Variants in TRAK1 observed in about 807,000 individuals in gnomAD.
TRAK1 encodes the protein trafficking kinesin protein 1, also known as trafficking kinesin-binding protein 1.
Under a neutral mutation model 92.1 loss-of-function variants are expected in TRAK1, and 33 were observed. That is an observed-to-expected ratio of 0.36 (90% CI 0.27 to 0.48). The LOEUF (loss-of-function observed/expected upper bound fraction) is 0.48. Ranked by LOEUF, TRAK1 falls within the 20% of genes least tolerant of loss-of-function variation. The probability of loss-of-function intolerance (pLI) is 0.99; values close to 1 mark genes in which losing one functional copy is unlikely to be tolerated. For synonymous variants in TRAK1, 521 were observed against 517.3 expected, an observed-to-expected ratio of 1.01 and a Z score of -0.10; for missense variants, 1,123 against 1,257.9, an observed-to-expected ratio of 0.89 and a Z score of 1.62.
intron 3 of TRAK1, among the ~76,000 whole-genome samples, chr3:42,178,633 C>T (rs13069609): frequency 0.76 from 116,121 of 151,798 alleles, 44,717 homozygotes; most frequent in East Asian, 0.99. Context: ...TTTGTGGAGG[C>T]GGGATCTCCT....
chr3:42,084,421 C>A (rs1704577425), upstream of TRAK1, among the ~76,000 whole-genome samples: 1 of 152,124 alleles, frequency 6.6e-6, no homozygotes, highest in Non-Finnish European at 1.5e-5. Context: ...TAGTAAGACT[C>A]CATATTTTTA....
chr3:42,137,469 A>T (rs911250901), intron 2 of TRAK1, among the ~76,000 whole-genome samples: 1 of 152,224 alleles, frequency 6.6e-6, no homozygotes, highest in African/African-American at 2.4e-5. Flanking sequence ...TTCATTAGTG[A>T]ATGTTTGGAA....
At chr3:42,045,534 C>T (rs1471650487) in intron 1 of TRAK1, among the ~76,000 whole-genome samples, 1 of 151,980 alleles carries the variant, frequency 6.6e-6, no homozygotes, top group East Asian at 1.9e-4. Context: ...GACTCAGCCT[C>T]AAAAAACCCC....
At chr3:42,062,315 T>A (rs1313177199) in intron 1 of TRAK1, among the ~76,000 whole-genome samples, 1 of 152,220 alleles carries the variant, frequency 6.6e-6, no homozygotes. Context: ...TGCTTTTGAT[T>A]CCTTTGGCTA....
At chr3:42,119,733 G>A (rs746280916) in intron 1 of TRAK1, among the ~76,000 whole-genome samples, 11 of 152,158 alleles carry the variant, frequency 7.2e-5, no homozygotes, top group Non-Finnish European at 1.5e-4. Flanking sequence ...CCAGGCATGT[G>A]GATACACCTT....
chr3:42,078,770 AAAG>A (rs1165916690), intron 1 of TRAK1, among the ~76,000 whole-genome samples: 219 of 130,932 alleles, frequency 1.7e-3, no homozygotes, highest in African/African-American at 3.1e-3. Context: ...AAAAAAAAAA[AAAG>A]AAAGAAAGAA....
At chr3:42,176,628 C>T (rs1290162245) in intron 2 of TRAK1, among the ~76,000 whole-genome samples, 186 bp from the exon 3 acceptor site, 1 of 152,228 alleles carries the variant, frequency 6.6e-6, no homozygotes, top group East Asian at 1.9e-4. Context: ...CAGACTCATC[C>T]TCCAGTCGTT....
intron 1 of TRAK1, among the ~76,000 whole-genome samples, chr3:42,044,629 C>CAGCT (rs1665489619): frequency 6.6e-6 from 1 of 152,188 alleles, no homozygotes; most frequent in Non-Finnish European, 1.5e-5. Flanking sequence ...TGCCACTTGC[C>CAGCT]AGCTGTGTGT....
rs201574981 is a variant in TRAK1 at position 42,201,043 on chromosome 3, A to C, written c.1416A>C (p.Ala472=). 1.9e-6 allele frequency: 3 copies of C among 1,614,212 alleles called. No homozygotes were observed. The South Asian group carries it at 3.3e-5, about 18-fold the overall frequency. The change falls in exon 12 of 16, where the codon GCA becomes GCC. Residue 472 remains alanine (A), a synonymous_variant. Transcript: ENST00000327628. ...KTNSIILETE[A]ADLGNDERSK... is the part of the protein sequence containing the mutation. ...ACAGCATCATTCTGGAAACAGAGGC[A>C]GCCGACCTGGGGTGAGCAAGCTGGG...
rs77999843 is a variant in TRAK1 at position 42,039,962 on chromosome 3, C to T, written c.-519+25845C>T. ...CTCATTGTGGTTTTGCATTTCAGGA[C>T]GGCTGATGATGTTGAGCATCTTTTC... is the stretch of plus-strand genomic sequence containing the variant. On this transcript the variant is annotated intron_variant, in intron 1 of 16. Coordinates refer to the TRAK1 transcript ENST00000487159. Among the ~76,000 whole-genome samples, 46 of 152,130 alleles carry T rather than the reference C, an allele frequency of 3.0e-4. 1 individual carries two copies. In the East Asian group the frequency reaches 6.0e-3, roughly 20 times the overall value.
chr3:42,149,021 G>A (rs1191469636), intron 2 of TRAK1, among the ~76,000 whole-genome samples: 1 of 152,012 alleles, frequency 6.6e-6, no homozygotes, highest in African/African-American at 2.4e-5. Context: ...TCTTTTCCCT[G>A]CCTGGCATCT....
intron 1 of TRAK1, among the ~76,000 whole-genome samples, chr3:42,114,600 A>G (rs914858138): frequency 1.3e-5 from 2 of 152,244 alleles, no homozygotes; most frequent in Admixed American, 6.5e-5. Flanking sequence ...CCATCTGTCT[A>G]AACACTAGTT....
intron 1 of TRAK1, among the ~76,000 whole-genome samples, chr3:42,079,474 C>CTTTTTTTTTTTTTTTTTTTTT (rs374173062): frequency 1.5e-5 from 2 of 133,942 alleles, no homozygotes; most frequent in Non-Finnish European, 1.6e-5. Flanking sequence ...GAAGCTCCTT[C>CTTTTTTTTTTTTTTTTTTTTT]TTCTTTTTTT....
chr3:42,207,516 A>G (rs1708467965), intron 13 of TRAK1, among the ~76,000 whole-genome samples: 1 of 152,138 alleles, frequency 6.6e-6, no homozygotes, highest in Non-Finnish European at 1.5e-5. Context: ...GTGGCTTTGG[A>G]AAGTTATCTA....
intron 14 of TRAK1, 181 bp from the exon 15 acceptor site, chr3:42,219,313 T>A: frequency 1.0e-6 from 1 of 984,588 alleles, no homozygotes; most frequent in Non-Finnish European, 1.2e-6. Context: ...GTGCTCAAAA[T>A]TGTGGTTATT....
upstream of TRAK1, among the ~76,000 whole-genome samples, chr3:42,089,509 C>T (rs146653548): frequency 6.6e-5 from 10 of 152,318 alleles, no homozygotes; most frequent in East Asian, 1.5e-3. Context: ...GCCCCGCTGA[C>T]CTGCCTCCTC....
At chr3:42,014,019 G>A (rs1701410803) in exon 1 of TRAK1, 1 of 146,816 alleles carries the variant, frequency 6.8e-6, no homozygotes, top group Middle Eastern at 3.6e-3. Flanking sequence ...AAGCCGCCGG[G>A]CGGCCGGGGC....
At chr3:42,205,514 T>C (rs1183422661) in intron 13 of TRAK1, among the ~76,000 whole-genome samples, 1 of 152,230 alleles carries the variant, frequency 6.6e-6, no homozygotes, top group Non-Finnish European at 1.5e-5. Flanking sequence ...ACCTTACCAG[T>C]TTTAAGCAGG....
intron 2 of TRAK1, among the ~76,000 whole-genome samples, chr3:42,148,916 A>T (rs569219947): frequency 1.7e-4 from 26 of 152,154 alleles, no homozygotes; most frequent in African/African-American, 6.3e-4. Context: ...TCTTCTTTCT[A>T]TCGTGACCCA....
Sources: gnomAD v4.1 joint callset for allele counts (sites outside exome capture counted in the v4.1 genomes callset) on GRCh38, gnomAD v4.1.1 for gene constraint, MANE v1.5 for transcripts, NCBI Gene and HGNC (gene_info 2026-07-23, HGNC 2026-07-21) for gene names.